Variants in RYR3 observed in about 807,000 individuals in gnomAD.
RYR3 encodes brain ryanodine receptor-calcium release channel.
In RYR3, 207 loss-of-function variants were observed where a neutral mutation model predicts 584.3. The observed-to-expected ratio is 0.35, with a 90% confidence interval of 0.32 to 0.40. The LOEUF is 0.40. RYR3 is among the 10% of genes least tolerant of loss of function. RYR3 has a pLI of 1.00. For synonymous variants in RYR3, 2,416 were observed against 2,248.5 expected (o/e 1.07, Z -2.11); for missense variants, 5,616 against 6,089.2 (o/e 0.92, Z 2.59).
chr15:33,738,429 G>T, intron 49 of RYR3, 21 bp from the exon 50 acceptor site: 1 of 1,605,766 alleles, frequency 6.2e-7, no homozygotes, highest in Non-Finnish European at 8.5e-7. Context: ...CCGCTGGTCT[G>T]TCCTGTTCTG....
intron 16 of RYR3, 127 bp from the exon 17 acceptor site, chr15:33,601,292 T>C: frequency 1.1e-6 from 1 of 883,440 alleles, no homozygotes; most frequent in Non-Finnish European, 1.7e-6. Context: ...TCCTTGGCTC[T>C]GAGCTGGCTC....
chr15:33,482,840 T>C (rs2050093214), intron 2 of RYR3, among the ~76,000 whole-genome samples: 1 of 152,170 alleles, frequency 6.6e-6, no homozygotes, highest in Non-Finnish European at 1.5e-5. Context: ...AGTATAGAAT[T>C]TGGGGGACAT....
Position 33,757,497 on chromosome 15 carries a change from A to G in RYR3, c.8606A>G (p.Gln2869Arg). 1 of 1,609,098 alleles carries G rather than the reference A, an allele frequency of 6.2e-7. No individual in the cohort carries two copies. Among genetic ancestry groups the G allele is most frequent in the Non-Finnish European group, 8.5e-7 (1 of 1,177,976 alleles). The change falls in exon 60 of 104, where the codon CAG becomes CGG. Residue 2869 changes from glutamine (Q) to arginine (R), a missense_variant. Gln to Arg is a conservative substitution (Grantham distance 43, BLOSUM62 1). This residue lies in a region of RYR3 where 1,280 missense variants were observed against 1,426.2 expected (regional missense o/e 0.90). Transcript: ENST00000634891. ...FAKVLLPLVD[Q>R]YFTSHCLYFL... ...CAGGTTCTCCTCCCGCTGGTTGACCAGTACTTCACCAGTCATTGCCTCTAC... is the reference window on the plus strand; with the variant it reads ...CAGGTTCTCCTCCCGCTGGTTGACCGGTACTTCACCAGTCATTGCCTCTAC...
chr15:33,462,164 A>C (rs1019485386), intron 1 of RYR3, among the ~76,000 whole-genome samples: 2 of 152,192 alleles, frequency 1.3e-5, no homozygotes, highest in African/African-American at 2.4e-5. Flanking sequence ...CATAAATTTC[A>C]TTAACATCTA....
intron 1 of RYR3, among the ~76,000 whole-genome samples, chr15:33,334,618 A>G (rs973427521): frequency 6.6e-6 from 1 of 152,232 alleles, no homozygotes; most frequent in East Asian, 1.9e-4. Context: ...GGAAATAGGC[A>G]TAGGCAAAAA....
intron 20 of RYR3, among the ~76,000 whole-genome samples, chr15:33,628,242 C>A (rs534712762): frequency 6.6e-6 from 1 of 152,100 alleles, no homozygotes; most frequent in South Asian, 2.1e-4. Context: ...ACACATACAC[C>A]TACAGAAAAG....
At chr15:33,414,146 T>C (rs1418302512) in intron 1 of RYR3, among the ~76,000 whole-genome samples, 2 of 152,182 alleles carry the variant, frequency 1.3e-5, no homozygotes, top group African/African-American at 4.8e-5. Context: ...CAGAAATTAA[T>C]TAGTCATACT....
At chr15:33,854,162 C>G (rs1007847653) in intron 96 of RYR3, among the ~76,000 whole-genome samples, 1 of 148,834 alleles carries the variant, frequency 6.7e-6, no homozygotes, top group African/African-American at 2.5e-5. Flanking sequence ...CGCCACTACA[C>G]TCCAGCCTGG....
intron 4 of RYR3, among the ~76,000 whole-genome samples, chr15:33,531,806 C>T (rs969136253): frequency 4.6e-5 from 7 of 151,950 alleles, no homozygotes; most frequent in African/African-American, 1.5e-4. Flanking sequence ...ACTTTGAACC[C>T]TGATAATATC....
chr15:33,667,590 T>A (rs748716178), intron 36 of RYR3, among the ~76,000 whole-genome samples: 2 of 152,192 alleles, frequency 1.3e-5, no homozygotes, highest in Non-Finnish European at 2.9e-5. Context: ...AGTTAATAAG[T>A]ACATACGTTA....
At chr15:33,749,508 C>T (rs578172139) in intron 55 of RYR3, among the ~76,000 whole-genome samples, 1 of 152,154 alleles carries the variant, frequency 6.6e-6, no homozygotes, top group Non-Finnish European at 1.5e-5. Flanking sequence ...ACAAGCCTTA[C>T]AAAGATGGAT....
At chr15:33,477,692 G>A (rs2049517572) in intron 2 of RYR3, among the ~76,000 whole-genome samples, 1 of 150,642 alleles carries the variant, frequency 6.6e-6, no homozygotes. Flanking sequence ...TGGCTAACAC[G>A]GTGAAACCCC....
chr15:33,786,530 C>G (rs1258345728), intron 66 of RYR3, among the ~76,000 whole-genome samples: 9 of 151,748 alleles, frequency 5.9e-5, no homozygotes, highest in Non-Finnish European at 1.3e-4. Flanking sequence ...ACACAGCCAG[C>G]TCTCAATGAA....
Position 33,854,880 on chromosome 15 carries a change from A to C in RYR3, c.13975A>C (p.Ile4659Leu). 6.2e-7 allele frequency: 1 copy of C among 1,612,874 alleles called. No individual in the cohort carries two copies. Among genetic ancestry groups the C allele is most frequent in the South Asian group, 1.1e-5 (1 of 90,740 alleles). ...IAMGFKTLRT[I>L]LSSVTHNGKQ... The stretch of plus-strand genomic sequence containing the variant: ...AATGGGCTTCAAGACACTGAGGACC[A>C]TTCTGTCATCTGTAACTCACAATGG... Residue 4659 changes from isoleucine to leucine, a missense_variant, in exon 98 of 104, where the codon ATT becomes CTT. Coordinates refer to ENST00000634891, the MANE Select transcript of RYR3 (RefSeq NM_001036.6).
At position 33,843,593 on chromosome 15, in the gene RYR3, G is replaced by A. The variant is rs188542488; in HGVS notation, c.13296+19G>A. 5.4e-6 allele frequency: 8 copies of A among 1,493,944 alleles called. No individual in the cohort carries two copies. The highest frequency in any genetic ancestry group is 4.1e-5 in the African/African-American group (3 of 72,838). 92.5% of individuals were successfully genotyped at this position (1,493,944 alleles called of 1,614,324 possible). A position where few individuals can be genotyped will look rare whatever the true frequency, so the allele number is the denominator to read the frequency against. The stretch of plus-strand genomic sequence containing the variant: ...TTATAAGGTGATACTTCATTCAGGG[G>A]TTATTTGCTAAATATGCTGTATACT... On this transcript the variant is annotated intron_variant, in intron 92 of 103. Coordinates refer to ENST00000634891, the MANE Select transcript of RYR3 (RefSeq NM_001036.6).
At chr15:33,864,978 G>C (rs1043589405) in intron 103 of RYR3, among the ~76,000 whole-genome samples, 153 bp from the exon 104 acceptor site, 2 of 152,208 alleles carry the variant, frequency 1.3e-5, no homozygotes, top group Non-Finnish European at 2.9e-5. Context: ...CAAACAGCCT[G>C]TGCTGGGAAT....
intron 51 of RYR3, among the ~76,000 whole-genome samples, chr15:33,740,722 G>A (rs1333139658): frequency 3.3e-5 from 5 of 152,186 alleles, no homozygotes; most frequent in African/African-American, 1.2e-4. Flanking sequence ...TTCAGAGTGA[G>A]CAGGGAAAGT....
intron 1 of RYR3, among the ~76,000 whole-genome samples, chr15:33,438,393 A>G (rs1433238298): frequency 3.3e-5 from 5 of 152,124 alleles, no homozygotes; most frequent in Non-Finnish European, 7.3e-5. Context: ...AATTCCACAT[A>G]TAAGTGAGAT....
intron 18 of RYR3, among the ~76,000 whole-genome samples, chr15:33,609,949 T>C (rs1024590515): frequency 6.6e-6 from 1 of 152,160 alleles, no homozygotes; most frequent in Non-Finnish European, 1.5e-5. Context: ...TTGTTTTCTT[T>C]TTAAATAATT....
Sources: gnomAD v4.1 joint callset for allele counts (sites outside exome capture counted in the v4.1 genomes callset) on GRCh38, gnomAD v4.1.1 for gene constraint, gnomAD v4.1.1 regional missense constraint, MANE v1.5 for transcripts, NCBI Gene and HGNC (gene_info 2026-07-23, HGNC 2026-07-21) for gene names.